The following CACNA1C variants were observed in gnomAD, a reference collection of about 807,000 sequenced individuals.
CACNA1C encodes the protein calcium voltage-gated channel subunit alpha1 C, also known as voltage-dependent L-type calcium channel subunit alpha-1C.
In CACNA1C, 30 loss-of-function variants were observed where a neutral mutation model predicts 229.0. The observed-to-expected ratio is 0.13, with a 90% CI of 0.10 to 0.18. The LOEUF is 0.18. Among genes scored for constraint, CACNA1C ranks in the 10% least tolerant of loss-of-function variants. CACNA1C has a pLI of 1.00. For missense variants in CACNA1C, 1,658 were observed against 2,845.0 expected (o/e 0.58, Z 9.49); for synonymous variants, 1,114 against 1,132.5 (o/e 0.98, Z 0.33).
chr12:2,205,801 G>T (rs528544128), intron 3 of CACNA1C, among the ~76,000 whole-genome samples: 3 of 152,324 alleles, frequency 2.0e-5, no homozygotes, highest in African/African-American at 7.2e-5. Flanking sequence ...GCAGCCCCAG[G>T]ATCAAGGTGC....
Position 2,679,376 on chromosome 12 carries a change from G to A in CACNA1C, c.5092-68G>A. On this transcript the variant is annotated intron_variant, in intron 41 of 46. Transcript: ENST00000399655. This position sits in a 1 kb window ranked among gnomAD's most constrained non-coding sequence, Gnocchi z 5.5. ...CCCTGCACTTCCCTGACCTGGCTGTGGAGGCTGCTCTCTGGGAGGAGTGGG... is the reference window on the plus strand; with the variant it reads ...CCCTGCACTTCCCTGACCTGGCTGTAGAGGCTGCTCTCTGGGAGGAGTGGG... 8.3e-7 allele frequency: 1 copy of A among 1,198,842 alleles called. No individual in the cohort carries two copies. The highest frequency in any genetic ancestry group is 1.1e-6 in the Non-Finnish European group (1 of 870,042). The allele number at this position is 1,198,842 out of a possible 1,614,324, so 74.3% of individuals were successfully genotyped here.
At chr12:2,427,097 C>T (rs1172698556) in intron 3 of CACNA1C, among the ~76,000 whole-genome samples, 6 of 152,234 alleles carry the variant, frequency 3.9e-5, no homozygotes, top group Non-Finnish European at 5.9e-5. Context: ...ACCAAAGAAC[C>T]CTTTAGTAGG....
chr12:2,045,676 G>A (rs1335608798), intron 1 of CACNA1C, among the ~76,000 whole-genome samples: 2 of 152,066 alleles, frequency 1.3e-5, no homozygotes, highest in African/African-American at 4.8e-5. Context: ...GGTTGCTAAA[G>A]TTTCAGGAAT....
At chr12:2,273,984 A>C (rs2154424983) in intron 3 of CACNA1C, among the ~76,000 whole-genome samples, 1 of 152,356 alleles carries the variant, frequency 6.6e-6, no homozygotes, top group Non-Finnish European at 1.5e-5. Context: ...AGCCTCCAGC[A>C]GGCAGGGCTT....
Position 2,651,845 on chromosome 12 carries a change from G to GACCACC in CACNA1C, c.4074+77_4074+78insACCACC. 2.5e-6 allele frequency: 3 copies of GACCACC among 1,205,058 alleles called. No individual in the cohort carries two copies. The highest frequency in any genetic ancestry group is 2.3e-5 in the Admixed American group (1 of 43,272). The allele number at this position is 1,205,058 out of a possible 1,614,324, so 74.6% of individuals were successfully genotyped here. On this transcript the variant is annotated intron_variant, in intron 32 of 46. Coordinates refer to ENST00000399655, the MANE Select transcript of CACNA1C (RefSeq NM_000719.7). This position sits in a 1 kb window ranked among gnomAD's most constrained non-coding sequence, Gnocchi z 5.4. ...GCCCAGAACACAGCTGACACAAGGA[G>GACCACC]GAGCCCTCCACTCTGGGGCCCTGCT...
Position 2,493,879 on chromosome 12 carries a change from T to C in CACNA1C, c.1113+493T>C, listed in dbSNP as rs2099741320. ...AATTGTGTAGCATTGTGACATGCTA[T>C]TCAATTTTTACTTTTTATTTTACTC... On this transcript the variant is annotated intron_variant, in intron 7 of 46. Coordinates refer to ENST00000399655, the MANE Select transcript of CACNA1C (RefSeq NM_000719.7). The surrounding 1 kb of genome is among the most constrained non-coding windows in gnomAD (Gnocchi z 4.6). Among the ~76,000 whole-genome samples the C allele has an allele frequency of 6.6e-6, 1 of 152,252 alleles. No homozygotes were observed. The highest frequency in any genetic ancestry group is 6.5e-5 in the Admixed American group (1 of 15,288).
rs1483320066 is a variant in CACNA1C, at chr12:2,410,787, CTG to C, written c.478-38181_478-38180del. Among the ~76,000 whole-genome samples, 8 of 143,840 alleles carry C rather than the reference CTG, an allele frequency of 5.6e-5. No individual in the cohort carries two copies. The highest frequency in any genetic ancestry group is 1.1e-4 in the Non-Finnish European group (7 of 66,400). The allele number at this position is 143,840 out of a possible 152,430, so 94.4% of individuals were successfully genotyped here. Reference sequence around the variant, plus strand: ...GACTCTAGTTGTCAGGATGGCTCCCCTGTGTGTGTATATGTGTGTGTGTGCGT... The same window carrying C: ...GACTCTAGTTGTCAGGATGGCTCCCCTGTGTGTATATGTGTGTGTGTGCGT... On this transcript the variant is annotated intron_variant, in intron 3 of 46. Coordinates refer to ENST00000399655, the MANE Select transcript of CACNA1C (RefSeq NM_000719.7). The surrounding 1 kb of genome is among the most constrained non-coding windows in gnomAD (Gnocchi z 5.3).
chr12:2,269,156 G>T (rs2083683339), intron 3 of CACNA1C, among the ~76,000 whole-genome samples: 1 of 152,342 alleles, frequency 6.6e-6, no homozygotes, highest in Non-Finnish European at 1.5e-5. Flanking sequence ...ACTCAGGGAA[G>T]GGTGAGCAAT....
chr12:2,433,284 C>T lies in CACNA1C; in HGVS notation c.478-15692C>T, dbSNP rs114631387. Among the ~76,000 whole-genome samples, 674 of 152,272 alleles carry T rather than the reference C, an allele frequency of 4.4e-3. 3 individuals are homozygous for T. The highest frequency in any genetic ancestry group is 0.016 in the African/African-American group (648 of 41,556). On this transcript the variant is annotated intron_variant, in intron 3 of 46. Transcript: ENST00000399655. ...CTGGTGTAGCTGATGTGCTTGGGGC[C>T]ACAGGTGGTCCTACTCAGGGGCAGT...
intron 13 of CACNA1C, among the ~76,000 whole-genome samples, chr12:2,570,343 G>A (rs926003610): frequency 1.3e-5 from 2 of 152,172 alleles, no homozygotes; most frequent in African/African-American, 4.8e-5. Flanking sequence ...GTCCCTAGGT[G>A]TTGCTCTTCT....
chr12:2,130,096 T>A (rs1362408858), intron 3 of CACNA1C, among the ~76,000 whole-genome samples: 1 of 151,964 alleles, frequency 6.6e-6, no homozygotes, highest in Non-Finnish European at 1.5e-5. Context: ...TAACTAATAA[T>A]AATAGCAGCA....
At chr12:2,290,275 G>A (rs1028016846) in intron 3 of CACNA1C, among the ~76,000 whole-genome samples, 2 of 152,294 alleles carry the variant, frequency 1.3e-5, no homozygotes, top group South Asian at 4.2e-4. Flanking sequence ...GGGGATTGGG[G>A]GCAGGGTATG....
intron 3 of CACNA1C, among the ~76,000 whole-genome samples, chr12:2,325,815 A>G (rs1592872890): frequency 6.6e-6 from 1 of 152,260 alleles, no homozygotes; most frequent in East Asian, 1.9e-4. Flanking sequence ...AGGGACACTC[A>G]GGCCACGAGC....
chr12:2,555,522 C>T (rs1009151293), intron 10 of CACNA1C, among the ~76,000 whole-genome samples: 1 of 152,196 alleles, frequency 6.6e-6, no homozygotes, highest in Admixed American at 6.5e-5. Flanking sequence ...GAGAAGAGAG[C>T]ACCTAGGCTC....
At chr12:2,419,398 A>T (rs1216626372) in intron 3 of CACNA1C, among the ~76,000 whole-genome samples, 1 of 152,016 alleles carries the variant, frequency 6.6e-6, no homozygotes, top group Admixed American at 6.6e-5. Flanking sequence ...CAGCACCAAG[A>T]CATGAGGGAT....
intron 3 of CACNA1C, among the ~76,000 whole-genome samples, chr12:2,386,833 G>A (rs1405074788): frequency 6.6e-6 from 1 of 152,182 alleles, no homozygotes; most frequent in Non-Finnish European, 1.5e-5. Context: ...TTTACTGGAT[G>A]GATAAATGAG....
intron 1 of CACNA1C, among the ~76,000 whole-genome samples, chr12:2,082,224 C>G (rs2065907871): frequency 6.6e-6 from 1 of 152,136 alleles, no homozygotes; most frequent in Non-Finnish European, 1.5e-5. Context: ...CCTGAGACTC[C>G]CTGCTCTTTT....
chr12:2,060,406 C>G (rs2057024000), intron 1 of CACNA1C, among the ~76,000 whole-genome samples: 1 of 152,160 alleles, frequency 6.6e-6, no homozygotes, highest in African/African-American at 2.4e-5. Flanking sequence ...GGTTGGTCTC[C>G]TAGGACCCCC....
intron 1 of CACNA1C, among the ~76,000 whole-genome samples, chr12:2,093,562 T>A (rs1296774201): frequency 1.3e-5 from 2 of 152,220 alleles, no homozygotes; most frequent in African/African-American, 4.8e-5. Context: ...TGTACCTGCG[T>A]GCATGTACTC....
Sources: allele counts gnomAD v4.1 joint callset (sites outside exome capture counted in the v4.1 genomes callset), GRCh38; gene constraint gnomAD v4.1.1; non-coding constraint Gnocchi (gnomAD v3.1); transcripts MANE v1.5; gene names NCBI Gene and HGNC (gene_info 2026-07-23, HGNC 2026-07-21).